DHX37: variants seen among roughly 807,000 people sequenced by gnomAD.
The protein encoded by DHX37 is probable ATP-dependent RNA helicase DHX37.
In DHX37, 52 loss-of-function variants were observed where a neutral mutation model predicts 134.3. The ratio of observed to expected loss-of-function variants is 0.39; its 90% CI spans 0.31 to 0.49. The LOEUF is 0.49. DHX37 is among the 20% of genes least tolerant of loss of function. The pLI is 0.93. For missense variants in DHX37, 1,344 were observed against 1,580.8 expected, an observed-to-expected ratio of 0.85 and a Z score of 2.54; for synonymous variants, 634 against 670.7, an observed-to-expected ratio of 0.95 and a Z score of 0.85.
intron 5 of DHX37, among the ~76,000 whole-genome samples, chr12:124,977,113 G>A (rs531975734): frequency 2.0e-4 from 31 of 152,072 alleles, no homozygotes; most frequent in African/African-American, 7.5e-4. Flanking sequence ...AATTAAGTGT[G>A]CTACGCAAGT....
Position 124,970,781 on chromosome 12 carries a change from C to A in DHX37, c.1191+521G>T, listed in dbSNP as rs368500841. ...GCTCATGGCACATGTGGAGCGCAGG[C>A]CCCTCTCCCCGCCGGGAGGGTGAGA... On this transcript the variant is annotated intron_variant, in intron 8 of 26. Coordinates refer to ENST00000308736, the MANE Select transcript of DHX37 (RefSeq NM_032656.4). 2.0e-5 allele frequency among the ~76,000 whole-genome samples: 3 copies of A among 152,342 alleles called. No homozygotes were observed. The South Asian group carries it at 6.2e-4, about 32-fold the overall frequency.
intron 12 of DHX37, among the ~76,000 whole-genome samples, chr12:124,966,320 A>G (rs1278363541): frequency 6.6e-6 from 1 of 152,164 alleles, no homozygotes; most frequent in Non-Finnish European, 1.5e-5. Flanking sequence ...CACCTGCCTC[A>G]GTCTCCCAAA....
In DHX37 at chr12:124,982,627, G is replaced by A. The variant is rs1208301124; in HGVS notation, c.277-4C>T. ...GCTTCTGTAGCATCTCTGCTCGCTG[G>A]GAAAGGAAACGAGTGTATTATGCAT... is the stretch of plus-strand genomic sequence containing the variant. On this transcript the variant is annotated splice_region_variant and splice_polypyrimidine_tract_variant and intron_variant, in intron 2 of 26. Coordinates refer to ENST00000308736, the MANE Select transcript of DHX37 (RefSeq NM_032656.4). 6.2e-7 allele frequency: 1 copy of A among 1,612,624 alleles called. No individual in the cohort carries two copies. The highest frequency in any genetic ancestry group is 1.7e-5 in the Admixed American group (1 of 59,968).
At position 124,952,002 on chromosome 12, in the gene DHX37, C is replaced by T. The variant is rs1034227652; in HGVS notation, c.2868+396G>A. On this transcript the variant is annotated intron_variant, in intron 21 of 26. Transcript: ENST00000308736. ...AGAAAACAACAACAACAAAATTAGT[C>T]GGAGGTGGTGGTGTGCCCCCTGCAG... 1.8e-4 allele frequency among the ~76,000 whole-genome samples: 27 copies of T among 151,908 alleles called. 1 individual carries two copies. The highest frequency in any genetic ancestry group is 6.3e-4 in the African/African-American group (26 of 41,360).
chr12:124,988,528 C>G (rs1954917514), intron 1 of DHX37, among the ~76,000 whole-genome samples: 1 of 152,078 alleles, frequency 6.6e-6, no homozygotes, highest in African/African-American at 2.4e-5. Flanking sequence ...AAGGGCTACT[C>G]CTAAAAAGGG....
At chr12:124,953,582 T>G in intron 20 of DHX37, 4 of 396,876 alleles carry the variant, frequency 1.0e-5, no homozygotes, top group African/African-American at 2.0e-5. Context: ...GGAAGAGGGG[T>G]CCAGGCCACA....
intron 15 of DHX37, among the ~76,000 whole-genome samples, 197 bp downstream of exon 15, chr12:124,964,195 CAA>C (rs397692928): frequency 5.2e-5 from 3 of 57,464 alleles, no homozygotes; most frequent in East Asian, 4.7e-4. Flanking sequence ...AACTCCATCT[CAA>C]AAAAAAAAAA....
chr12:124,987,200 A>G (rs578109649), intron 1 of DHX37, among the ~76,000 whole-genome samples: 7 of 152,288 alleles, frequency 4.6e-5, no homozygotes, highest in African/African-American at 1.7e-4. Context: ...AAAACTAGCC[A>G]GGTGTGATGG....
Position 124,980,283 on chromosome 12 carries a change from C to T in DHX37, c.738+207G>A, listed in dbSNP as rs968457208. On this transcript the variant is annotated intron_variant, in intron 4 of 26. Coordinates refer to ENST00000308736, the MANE Select transcript of DHX37 (RefSeq NM_032656.4). The surrounding 1 kb of genome is among the most constrained non-coding windows in gnomAD (Gnocchi z 5.3). ...CAGGGCCCCGAGCCTGCCAGGCGTG[C>T]CGCCAGACACCCGCCCTGCACTGTG... Among the ~76,000 whole-genome samples the T allele has an allele frequency of 6.6e-6, 1 of 152,226 alleles. No homozygotes were observed. Among genetic ancestry groups the T allele is most frequent in the Admixed American group, 6.5e-5 (1 of 15,290 alleles).
rs1029309379 is a variant in DHX37 at position 124,958,425 on chromosome 12, G to A, written c.2158-1290C>T. ...ACTTGTGGGAGGCACTCCCGACAGTGCTCCCAGCCACACTGAGCTCCCAGC... is the reference window on the plus strand; with the variant it reads ...ACTTGTGGGAGGCACTCCCGACAGTACTCCCAGCCACACTGAGCTCCCAGC... On this transcript the variant is annotated intron_variant, in intron 16 of 26. Coordinates refer to ENST00000308736, the MANE Select transcript of DHX37 (RefSeq NM_032656.4). 3.3e-5 allele frequency among the ~76,000 whole-genome samples: 5 copies of A among 152,096 alleles called. No individual in the cohort carries two copies. In the South Asian group the frequency reaches 6.2e-4, roughly 19 times the overall value.
At position 124,970,315 on chromosome 12, in the gene DHX37, T is replaced by C. The variant is rs149177800; in HGVS notation, c.1191+987A>G. ...ATTGATGAGTGACAAAATATAAAAC[T>C]GTGGTGATGGCTGCACACTCTGTGA... On this transcript the variant is annotated intron_variant, in intron 8 of 26. Coordinates refer to ENST00000308736, the MANE Select transcript of DHX37 (RefSeq NM_032656.4). Among the ~76,000 whole-genome samples, 67 of 152,324 alleles carry C rather than the reference T, an allele frequency of 4.4e-4. 1 individual carries two copies. Among genetic ancestry groups the C allele is most frequent in the Middle Eastern group, 3.4e-3 (1 of 294 alleles).
chr12:124,978,653 T>C (rs944602395), intron 4 of DHX37, among the ~76,000 whole-genome samples: 102 of 141,262 alleles, frequency 7.2e-4, no homozygotes, highest in African/African-American at 1.7e-3. Flanking sequence ...AGGCCAGGCA[T>C]GATGGCTCAC....
rs765519542 is a variant in DHX37 at position 124,980,716 on chromosome 12, G to A, written c.512C>T (p.Ser171Leu). 12 of 1,564,624 alleles carry A rather than the reference G, an allele frequency of 7.7e-6. No homozygotes were observed. The highest frequency in any genetic ancestry group is 5.4e-5 in the African/African-American group (4 of 73,580). Residue 171 changes from serine to leucine, a missense_variant, in exon 4 of 27, where the codon TCG (serine) becomes TTG (leucine). Transcript: ENST00000308736. The surrounding 1 kb of genome is among the most constrained non-coding windows in gnomAD (Gnocchi z 5.3). Reference protein sequence around the residue: ...EEEEEEEESESELEEESELDE... With the variant: ...EEEEEEEESELELEEESELDE... ...CAGCTCCGACTCCTCCTCCAGCTCC[G>A]ATTCCGACTCCTCCTCCTCCTCCTC...
intron 1 of DHX37, 138 bp from the exon 2 acceptor site, chr12:124,986,403 T>G: frequency 1.0e-6 from 1 of 957,334 alleles, no homozygotes. Flanking sequence ...AAATCTATTT[T>G]CATAACAATA....
At chr12:124,971,536 G>A (rs1954523325) in intron 7 of DHX37, 121 bp from the exon 8 acceptor site, 1 of 1,468,010 alleles carries the variant, frequency 6.8e-7, no homozygotes, top group South Asian at 1.3e-5. Context: ...CTTCATCAGA[G>A]GTGAGCTGCT....
At position 124,950,180 on chromosome 12, in the gene DHX37, T is replaced by G. The variant is rs575749736; in HGVS notation, c.3185A>C (p.Lys1062Thr). 122 of 1,614,036 alleles carry G rather than the reference T, an allele frequency of 7.6e-5. No homozygotes were observed. The South Asian group carries it at 1.3e-3, about 17-fold the overall frequency. ...VDFPEGIDRY[K>T]HFARFLLEGQ... ...TTCCAGCAGGAACCGGGCAAAGTGCTTGTAGCGGTCAATCCCCTCTGGAAA... is the reference window on the plus strand; with the variant it reads ...TTCCAGCAGGAACCGGGCAAAGTGCGTGTAGCGGTCAATCCCCTCTGGAAA... Residue 1062 changes from lysine (K) to threonine (T), a missense_variant, in exon 24 of 27, where the codon AAG becomes ACG. Physicochemically the swap from Lys to Thr is moderately conservative, Grantham distance 78. Around this residue, in one of 7 missense-constraint regions of DHX37, gnomAD observed 558 missense variants for 650.0 expected, o/e 0.86. Coordinates refer to ENST00000308736, the MANE Select transcript of DHX37 (RefSeq NM_032656.4).
At chr12:124,950,113 C>T in intron 24 of DHX37, 36 bp downstream of exon 24, 2 of 1,613,850 alleles carry the variant, frequency 1.2e-6, no homozygotes, top group Non-Finnish European at 1.7e-6. Flanking sequence ...GCCCACGGTA[C>T]CCGAGATGAG....
intron 12 of DHX37, 71 bp downstream of exon 12, chr12:124,966,722 T>C: frequency 1.3e-6 from 2 of 1,486,638 alleles, no homozygotes; most frequent in Non-Finnish European, 1.9e-6. Flanking sequence ...AGCAGCCACA[T>C]GGGGCTGGTA....
intron 15 of DHX37, among the ~76,000 whole-genome samples, chr12:124,961,315 C>CACGCG (rs1954258793): frequency 2.1e-5 from 3 of 142,872 alleles, no homozygotes; most frequent in African/African-American, 8.8e-5. Context: ...CGCACACACA[C>CACGCG]TTACATACAC....
Sources: gnomAD v4.1 joint callset for allele counts (sites outside exome capture counted in the v4.1 genomes callset) on GRCh38, gnomAD v4.1.1 for gene constraint, gnomAD v4.1.1 regional missense constraint, Gnocchi (gnomAD v3.1) non-coding constraint, MANE v1.5 for transcripts, NCBI Gene and HGNC (gene_info 2026-07-23, HGNC 2026-07-21) for gene names.